Variants in DGKZ observed in about 807,000 individuals in gnomAD.
The protein encoded by DGKZ is diacylglycerol kinase zeta, also known as DAG kinase zeta.
In DGKZ, 45 loss-of-function variants were observed where a neutral mutation model predicts 142.5. The observed-to-expected ratio is 0.32, with a 90% CI of 0.25 to 0.40. The LOEUF (loss-of-function observed/expected upper bound fraction) is 0.40, where lower values mean the gene tolerates loss of function less well. Ranked by LOEUF, DGKZ falls within the 10% of genes least tolerant of loss-of-function variation. The probability of loss-of-function intolerance (pLI) is 1.00; values close to 1 mark genes in which losing one functional copy is unlikely to be tolerated. For missense variants in DGKZ, 755 were observed against 1,306.5 expected (o/e 0.58, Z 6.51); for synonymous variants, 442 against 527.0 (o/e 0.84, Z 2.21).
Position 46,374,467 on chromosome 11 carries a change from T to G in DGKZ, c.1461+13T>G, listed in dbSNP as rs1284699750. ...GTTCTACGCCGGGGTGAGTGGGGTC[T>G]GCACCCCCGCCTGTGCCCACCTCTT... is the stretch of plus-strand genomic sequence containing the variant. On this transcript the variant is annotated intron_variant, in intron 16 of 30. Coordinates refer to ENST00000527911, the Ensembl canonical transcript of DGKZ. The G allele has an allele frequency of 6.2e-7, 1 of 1,613,872 alleles. No homozygotes were observed. The highest frequency in any genetic ancestry group is 8.5e-7 in the Non-Finnish European group (1 of 1,180,018).
intron 1 of DGKZ, chr11:46,364,763 TC>T: frequency 1.0e-6 from 1 of 985,426 alleles, no homozygotes; most frequent in Non-Finnish European, 1.2e-6. Flanking sequence ...CCTTCATCCT[TC>T]CTCCTGCCCA....
Position 46,333,646 on chromosome 11 carries a change from G to A in DGKZ, c.212+159G>A, listed in dbSNP as rs878910739. 5.9e-5 allele frequency among the ~76,000 whole-genome samples: 9 copies of A among 152,194 alleles called. No individual in the cohort carries two copies. In the South Asian group the frequency reaches 6.2e-4, roughly 10 times the overall value. ...CTGTCTTTTCGTGTACAGCGGGAAG[G>A]AGGCAGCTTCTGAGACTCCTTCTCT... On this transcript the variant is annotated intron_variant, in intron 1 of 30. Transcript: ENST00000343674.
chr11:46,359,912 C>T (rs1942451665), intron 1 of DGKZ, among the ~76,000 whole-genome samples: 1 of 152,084 alleles, frequency 6.6e-6, no homozygotes, highest in South Asian at 2.1e-4. Context: ...ACCACTGTGC[C>T]CGGCCTGATA....
chr11:46,345,825 G>A (rs973447347), upstream of DGKZ, among the ~76,000 whole-genome samples: 2 of 152,156 alleles, frequency 1.3e-5, no homozygotes, highest in Non-Finnish European at 2.9e-5. This position sits in a 1 kb window ranked among gnomAD's most constrained non-coding sequence, Gnocchi z 4.1. Flanking sequence ...GGGGGATCTG[G>A]GAAGAGGAGC....
At chr11:46,336,828 C>A (rs1463721441) in intron 1 of DGKZ, among the ~76,000 whole-genome samples, 5 of 152,166 alleles carry the variant, frequency 3.3e-5, no homozygotes, top group Non-Finnish European at 4.4e-5. Context: ...GCTGGGGTCA[C>A]AAGCATGACC....
chr11:46,359,603 A>T (rs1259171074), intron 1 of DGKZ, among the ~76,000 whole-genome samples: 2 of 151,490 alleles, frequency 1.3e-5, no homozygotes, highest in Non-Finnish European at 2.9e-5. Flanking sequence ...ATATTTATTT[A>T]TATTTATTTA....
Position 46,371,484 on chromosome 11 carries a change from C to A in DGKZ, c.643-3C>A. The A allele has an allele frequency of 6.2e-7, 1 of 1,602,826 alleles. No individual in the cohort carries two copies. The highest frequency in any genetic ancestry group is 8.5e-7 in the Non-Finnish European group (1 of 1,173,720). On this transcript the variant is annotated splice_region_variant and splice_polypyrimidine_tract_variant and intron_variant, in intron 7 of 30. Coordinates refer to ENST00000527911, the Ensembl canonical transcript of DGKZ. ...GCTGAGCCCGGCCCCTCGCTCTCCT[C>A]AGTACCACAGCAAGGTGTCCTGCTT...
At position 46,347,628 on chromosome 11, in the gene DGKZ, G is replaced by T; in HGVS notation, c.-32G>T. The T allele has an allele frequency of 7.9e-7, 1 of 1,257,914 alleles. No individual in the cohort carries two copies. The highest frequency in any genetic ancestry group is 1.0e-6 in the Non-Finnish European group (1 of 999,854). The allele number at this position is 1,257,914 out of a possible 1,614,324, so 77.9% of individuals were successfully genotyped here. A position where few individuals can be genotyped will look rare whatever the true frequency, so the allele number is the denominator to read the frequency against. On this transcript the variant is annotated 5_prime_UTR_variant, in exon 1 of 31. Coordinates refer to ENST00000527911, the Ensembl canonical transcript of DGKZ. This position sits in a 1 kb window ranked among gnomAD's most constrained non-coding sequence, Gnocchi z 6.4. ...CGCCGGCCCGGCATGGGCGTCTCCC[G>T]CGGGCCCTCCGCCGGCCGGGGCTAG...
chr11:46,379,843 C>G (rs759458475), exon 31 of DGKZ: 2 of 1,609,950 alleles, frequency 1.2e-6, no homozygotes, highest in Non-Finnish European at 1.7e-6. Context: ...CGACACTCCC[C>G]GGCAGCGGGC....
chr11:46,353,910 C>T (rs187594127), intron 1 of DGKZ, among the ~76,000 whole-genome samples: 47 of 152,344 alleles, frequency 3.1e-4, no homozygotes, highest in Non-Finnish European at 1.0e-4. Context: ...CCCAGCATCT[C>T]GCGGGTTAAC....
intron 1 of DGKZ, among the ~76,000 whole-genome samples, chr11:46,357,272 C>T (rs1193124413): frequency 6.6e-6 from 1 of 152,156 alleles, no homozygotes; most frequent in Non-Finnish European, 1.5e-5. Context: ...TTTCCTTGCC[C>T]ACCACCCTCC....
Position 46,369,235 on chromosome 11 carries a change from A to ACGGACC in DGKZ, c.445-257_445-252dup. The stretch of plus-strand genomic sequence containing the variant: ...CCATGGTCCCATGTTAGTGGGGGAG[A>ACGGACC]CGGACCCAAAGCTCCCAACCTCCCC... On this transcript the variant is annotated intron_variant, in intron 4 of 30. Coordinates refer to ENST00000527911, the Ensembl canonical transcript of DGKZ. 3 of 563,038 alleles carry ACGGACC rather than the reference A, an allele frequency of 5.3e-6. No individual in the cohort carries two copies. In the South Asian group the frequency reaches 6.0e-5, roughly 11 times the overall value. 34.9% of individuals were successfully genotyped at this position (563,038 alleles called of 1,614,324 possible).
chr11:46,371,877 G>T, intron 9 of DGKZ, 102 bp downstream of exon 9: 1 of 1,396,958 alleles, frequency 7.2e-7, no homozygotes. Context: ...CAGCTGGTGG[G>T]GGTCTGTGTG....
intron 1 of DGKZ, among the ~76,000 whole-genome samples, chr11:46,354,330 G>T (rs1272665915): frequency 6.6e-6 from 1 of 152,130 alleles, no homozygotes; most frequent in African/African-American, 2.4e-5. Context: ...AGGACTATAG[G>T]TGGGGGCCCC....
chr11:46,367,266 T>A lies in DGKZ; in HGVS notation c.162-25T>A. 1 of 1,597,788 alleles carries A rather than the reference T, an allele frequency of 6.3e-7. No individual in the cohort carries two copies. The highest frequency in any genetic ancestry group is 1.1e-5 in the South Asian group (1 of 90,646). ...TAGGGTCAGCAAGTGCTCAGCCCCC[T>A]CCTCAGCTGTCTTCTCCTCTCTAGG... is the stretch of plus-strand genomic sequence containing the variant. On this transcript the variant is annotated intron_variant, in intron 1 of 30. Coordinates refer to ENST00000527911, the Ensembl canonical transcript of DGKZ. The surrounding 1 kb of genome is among the most constrained non-coding windows in gnomAD (Gnocchi z 4.1).
At chr11:46,353,069 C>T (rs1363303443) in intron 1 of DGKZ, among the ~76,000 whole-genome samples, 1 of 152,238 alleles carries the variant, frequency 6.6e-6, no homozygotes, top group African/African-American at 2.4e-5. Flanking sequence ...GCTGAAGAGA[C>T]AGGAGTGGCG....
At chr11:46,361,669 G>C in intron 1 of DGKZ, 1 of 985,608 alleles carries the variant, frequency 1.0e-6, no homozygotes, top group Non-Finnish European at 1.2e-6. Context: ...CGGCCTTGGG[G>C]ACCCCAGCTC....
intron 4 of DGKZ, chr11:46,368,450 C>CT (rs1226752845): frequency 2.5e-5 from 9 of 359,880 alleles, no homozygotes; most frequent in African/African-American, 1.9e-4. Flanking sequence ...CTGTGGAGAC[C>CT]TTTCCCCAAG....
chr11:46,341,998 G>T (rs763081991), intron 1 of DGKZ, among the ~76,000 whole-genome samples: 1 of 152,186 alleles, frequency 6.6e-6, no homozygotes, highest in Non-Finnish European at 1.5e-5. Flanking sequence ...TGACAGCAGA[G>T]GATGTCCAGG....
Sources: allele counts gnomAD v4.1 joint callset (sites outside exome capture counted in the v4.1 genomes callset), GRCh38; gene constraint gnomAD v4.1.1; non-coding constraint Gnocchi (gnomAD v3.1); transcripts MANE v1.5; gene names NCBI Gene and HGNC (gene_info 2026-07-23, HGNC 2026-07-21).